Variants in MAML2 observed in about 807,000 individuals in gnomAD.
MAML2 encodes mastermind like transcriptional coactivator 2.
MAML2 carries 22 observed loss-of-function variants against 96.1 expected under a neutral mutation model. The observed-to-expected ratio is 0.23, with a 90% CI of 0.16 to 0.33. MAML2 has a LOEUF of 0.33. Among genes scored for constraint, MAML2 ranks in the 10% least tolerant of loss-of-function variants. The pLI is 1.00. For synonymous variants in MAML2, 561 were observed against 521.3 expected, an observed-to-expected ratio of 1.08 and a Z score of -1.04; for missense variants, 1,367 against 1,392.4, an observed-to-expected ratio of 0.98 and a Z score of 0.29.
At chr11:96,017,588 A>T (rs1858374510) in intron 2 of MAML2, among the ~76,000 whole-genome samples, 1 of 152,162 alleles carries the variant, frequency 6.6e-6, no homozygotes, top group African/African-American at 2.4e-5. Context: ...CTATAAAGAA[A>T]AAGAAAACAG....
chr11:96,305,566 A>G (rs1256794449), intron 1 of MAML2, among the ~76,000 whole-genome samples: 1 of 152,246 alleles, frequency 6.6e-6, no homozygotes, highest in Non-Finnish European at 1.5e-5. Context: ...TGTATTCTAT[A>G]TTAAAATACA....
intron 1 of MAML2, among the ~76,000 whole-genome samples, chr11:96,334,919 A>G (rs1396991918): frequency 6.6e-6 from 1 of 152,180 alleles, no homozygotes; most frequent in Non-Finnish European, 1.5e-5. Flanking sequence ...AGAATATGTG[A>G]ACTTCTCTCT....
intron 2 of MAML2, among the ~76,000 whole-genome samples, chr11:95,995,214 G>A (rs1391361346): frequency 6.6e-6 from 1 of 152,184 alleles, no homozygotes; most frequent in South Asian, 2.1e-4. Context: ...GAGAAATGTA[G>A]AGGTCTCAGT....
intron 1 of MAML2, among the ~76,000 whole-genome samples, chr11:96,150,617 C>T (rs1375303913): frequency 1.3e-5 from 2 of 152,116 alleles, no homozygotes; most frequent in Non-Finnish European, 2.9e-5. Flanking sequence ...GCTCAAAGCA[C>T]CCACACCCAC....
chr11:96,301,490 G>C (rs936366018), intron 1 of MAML2, among the ~76,000 whole-genome samples: 4 of 152,190 alleles, frequency 2.6e-5, no homozygotes, highest in Non-Finnish European at 5.9e-5. Flanking sequence ...TTCTAGAGCA[G>C]AGCCGTCCCA....
rs756786410 is a variant in MAML2, at chr11:95,978,905, C to G, written c.*43G>C. The G allele has an allele frequency of 1.3e-6, 2 of 1,530,414 alleles. No individual in the cohort carries two copies. The highest frequency in any genetic ancestry group is 2.3e-5 in the East Asian group (1 of 44,172). The allele number at this position is 1,530,414 out of a possible 1,614,324, so 94.8% of individuals were successfully genotyped here. A position where few individuals can be genotyped will look rare whatever the true frequency, so the allele number is the denominator to read the frequency against. On this transcript the variant is annotated 3_prime_UTR_variant, in exon 5 of 5. Transcript: ENST00000524717. ...TCTACAGAGTTTCTGTAATATACTG[C>G]CTTTTAGTGCTTGGAGTTTGTAAAT...
intron 2 of MAML2, among the ~76,000 whole-genome samples, chr11:96,050,485 G>T (rs1858973726): frequency 6.6e-6 from 1 of 152,210 alleles, no homozygotes; most frequent in African/African-American, 2.4e-5. Context: ...TTTGGATGGT[G>T]CAGGCAAAGA....
intron 2 of MAML2, among the ~76,000 whole-genome samples, chr11:96,043,071 C>T (rs1425316985): frequency 6.6e-6 from 1 of 152,108 alleles, no homozygotes; most frequent in Non-Finnish European, 1.5e-5. Context: ...TGTCTGGGTA[C>T]CACCTTTAAT....
intron 1 of MAML2, among the ~76,000 whole-genome samples, chr11:96,340,834 T>G (rs1215834228): frequency 6.6e-6 from 1 of 152,136 alleles, no homozygotes; most frequent in Non-Finnish European, 1.5e-5. Context: ...AAATTTTGTT[T>G]TTGACTGAGG....
At chr11:96,320,647 C>T (rs1274160973) in intron 1 of MAML2, among the ~76,000 whole-genome samples, 1 of 152,102 alleles carries the variant, frequency 6.6e-6, no homozygotes, top group Non-Finnish European at 1.5e-5. Flanking sequence ...GTCTTCAATT[C>T]ATTATTACTA....
At chr11:96,007,922 T>C (rs1196353742) in intron 2 of MAML2, among the ~76,000 whole-genome samples, 1 of 149,812 alleles carries the variant, frequency 6.7e-6, no homozygotes, top group Non-Finnish European at 1.5e-5. Flanking sequence ...ATATACCTAA[T>C]GCTAGATGAC....
chr11:96,313,342 C>A (rs1042485956), intron 1 of MAML2, among the ~76,000 whole-genome samples: 1 of 152,172 alleles, frequency 6.6e-6, no homozygotes, highest in Admixed American at 6.5e-5. Flanking sequence ...CTGGGGTGGA[C>A]GCCAAGGTGC....
At chr11:96,178,326 G>A (rs935216653) in intron 1 of MAML2, among the ~76,000 whole-genome samples, 33 of 152,230 alleles carry the variant, frequency 2.2e-4, no homozygotes, top group Non-Finnish European at 2.9e-4. Flanking sequence ...TTTAATGCCC[G>A]TGGAGAGAGA....
At chr11:96,017,476 AT>A (rs1858372968) in intron 2 of MAML2, among the ~76,000 whole-genome samples, 1 of 144,294 alleles carries the variant, frequency 6.9e-6, no homozygotes, top group Non-Finnish European at 1.5e-5. Context: ...AACTGGGGTT[AT>A]AGTGGTAAAT....
chr11:95,991,984 C>T (rs1857921800), intron 2 of MAML2, among the ~76,000 whole-genome samples: 2 of 152,152 alleles, frequency 1.3e-5, no homozygotes, highest in South Asian at 4.1e-4. Flanking sequence ...CTCCACATTC[C>T]AGAAGGTGTT....
intron 1 of MAML2, among the ~76,000 whole-genome samples, chr11:96,225,366 A>T (rs1451283332): frequency 6.6e-6 from 1 of 152,186 alleles, no homozygotes; most frequent in African/African-American, 2.4e-5. Flanking sequence ...TTGGAAGCAG[A>T]TCTTCCATCT....
intron 2 of MAML2, among the ~76,000 whole-genome samples, chr11:96,006,394 G>A (rs1313134136): frequency 2.0e-5 from 3 of 152,044 alleles, no homozygotes; most frequent in Non-Finnish European, 1.5e-5. Context: ...GAAGACTGAG[G>A]AAAGTCAACT....
At chr11:96,069,788 G>T (rs530673317) in intron 2 of MAML2, among the ~76,000 whole-genome samples, 2 of 152,150 alleles carry the variant, frequency 1.3e-5, no homozygotes, top group Non-Finnish European at 2.9e-5. Flanking sequence ...ACTTTGGGAG[G>T]CCGAGGCGGG....
intron 1 of MAML2, among the ~76,000 whole-genome samples, chr11:96,182,260 TGG>T (rs1362019918): frequency 6.6e-6 from 1 of 152,198 alleles, no homozygotes; most frequent in Non-Finnish European, 1.5e-5. Flanking sequence ...ATCGAAACAA[TGG>T]GTCTGAGGAT....
Sources: gnomAD v4.1 joint callset for allele counts (sites outside exome capture counted in the v4.1 genomes callset) on GRCh38, gnomAD v4.1.1 for gene constraint, MANE v1.5 for transcripts, NCBI Gene and HGNC (gene_info 2026-07-23, HGNC 2026-07-21) for gene names.